The following ZZEF1 variants were observed in gnomAD, a reference collection of about 807,000 sequenced individuals.
The protein encoded by ZZEF1 is zinc finger ZZ-type and EF-hand domain containing 1, also known as zinc finger ZZ-type and EF-hand domain-containing protein 1.
In ZZEF1, 157 loss-of-function variants were observed where a neutral mutation model predicts 342.8. The observed-to-expected ratio is 0.46, with a 90% CI of 0.40 to 0.52. ZZEF1 has a LOEUF of 0.52. Ranked by LOEUF, ZZEF1 falls within the 20% of genes least tolerant of loss-of-function variation. The probability of loss-of-function intolerance (pLI) is 0.00; values close to 1 mark genes in which losing one functional copy is unlikely to be tolerated. For synonymous variants in ZZEF1, 1,505 were observed against 1,429.1 expected, an observed-to-expected ratio of 1.05 and a Z score of -1.20; for missense variants, 3,480 against 3,725.6, an observed-to-expected ratio of 0.93 and a Z score of 1.72.
At position 4,008,507 on chromosome 17, in the gene ZZEF1, A is replaced by T; in HGVS notation, c.8805+376T>A. 1 of 1,019,568 alleles carries T rather than the reference A, an allele frequency of 9.8e-7. No homozygotes were observed. Among genetic ancestry groups the T allele is most frequent in the Non-Finnish European group, 1.2e-6 (1 of 851,786 alleles). The allele number at this position is 1,019,568 out of a possible 1,614,324, so 63.2% of individuals were successfully genotyped here. On this transcript the variant is annotated intron_variant, in intron 54 of 54. Transcript: ENST00000381638. This position sits in a 1 kb window ranked among gnomAD's most constrained non-coding sequence, Gnocchi z 4.2. ...GCTCCTCAGTCAGTGAAAAGTGTGA[A>T]GCGTCCTGAGACCAAACAGCTGTCA...
In ZZEF1 at chr17:4,105,799, G is replaced by T. The variant is rs761343514; in HGVS notation, c.1288C>A (p.Arg430=). Residue 430 remains arginine (R), a synonymous_variant, in exon 7 of 55, where the codon CGG becomes AGG. Coordinates refer to ENST00000381638, the MANE Select transcript of ZZEF1 (RefSeq NM_015113.4). ...TVLHNTQKAL[R]HMPPLSLSPG... is the part of the protein sequence containing the mutation. Reference sequence around the variant, plus strand: ...GAGAGAGAGAGTGGAGGCATGTGCCGCAGCGCCTTCCTAGAAGAGGAAAAT... The same window carrying T: ...GAGAGAGAGAGTGGAGGCATGTGCCTCAGCGCCTTCCTAGAAGAGGAAAAT... 1.9e-6 allele frequency: 3 copies of T among 1,603,734 alleles called. No individual in the cohort carries two copies. In the East Asian group the frequency reaches 6.7e-5, roughly 36 times the overall value.
intron 5 of ZZEF1, among the ~76,000 whole-genome samples, 163 bp downstream of exon 5, chr17:4,112,446 G>A (rs1415099025): frequency 1.3e-5 from 2 of 151,998 alleles, no homozygotes; most frequent in South Asian, 2.1e-4. Flanking sequence ...ATGCCCCGAC[G>A]CTTTTCTATA....
At chr17:4,046,860 AG>A (rs1325760355) in intron 37 of ZZEF1, among the ~76,000 whole-genome samples, 1 of 152,234 alleles carries the variant, frequency 6.6e-6, no homozygotes, top group Non-Finnish European at 1.5e-5. Flanking sequence ...GAAAACAAAA[AG>A]TATCTCTAGT....
intron 1 of ZZEF1, among the ~76,000 whole-genome samples, chr17:4,134,012 C>T (rs1159305266): frequency 2.0e-5 from 3 of 152,152 alleles, no homozygotes; most frequent in East Asian, 3.9e-4. Context: ...GCCATTTTTG[C>T]TATTTTTAAT....
Position 4,088,773 on chromosome 17 carries a change from A to C in ZZEF1, c.2146T>G (p.Cys716Gly). ...ARAEAEQSVT[C>G]AHCRKDTEES... ...TCTGTGTCCTTTCTGCAGTGTGCACAGGTGACGCTCTGTTCTGCTTCTGCT... is the reference window on the plus strand; with the variant it reads ...TCTGTGTCCTTTCTGCAGTGTGCACCGGTGACGCTCTGTTCTGCTTCTGCT... The change falls in exon 13 of 55, where the codon TGT becomes GGT. Residue 716 changes from cysteine (C) to glycine (G), a missense_variant. By Grantham distance (159) the Cys-to-Gly change is radical (BLOSUM62 -3). This residue lies in a region of ZZEF1 where 1,528 missense variants were observed against 1,624.1 expected (regional missense o/e 0.94). Transcript: ENST00000381638. 6.2e-7 allele frequency: 1 copy of C among 1,614,238 alleles called. No individual in the cohort carries two copies. Among genetic ancestry groups the C allele is most frequent in the African/African-American group, 1.3e-5 (1 of 75,070 alleles).
chr17:4,018,873 G>C (rs753750900), intron 46 of ZZEF1, among the ~76,000 whole-genome samples: 1 of 151,890 alleles, frequency 6.6e-6, no homozygotes, highest in African/African-American at 2.4e-5. Flanking sequence ...GGCTAGAACC[G>C]AGAGGTGGGG....
chr17:4,044,103 G>A, intron 38 of ZZEF1, 121 bp downstream of exon 38: 4 of 1,088,696 alleles, frequency 3.7e-6, no homozygotes, highest in Non-Finnish European at 5.4e-6. Flanking sequence ...GAACAGAACT[G>A]AGAAACCACG....
At chr17:4,073,069 A>G (rs1468570107) in intron 24 of ZZEF1, among the ~76,000 whole-genome samples, 1 of 152,262 alleles carries the variant, frequency 6.6e-6, no homozygotes, top group Non-Finnish European at 1.5e-5. Context: ...GAGGCCATTC[A>G]GGAACATTTA....
At chr17:4,071,077 A>G (rs1051556247) in intron 25 of ZZEF1, among the ~76,000 whole-genome samples, 153 bp from the exon 26 acceptor site, 5 of 150,492 alleles carry the variant, frequency 3.3e-5, no homozygotes, top group African/African-American at 1.3e-4. Flanking sequence ...CAGAGATATG[A>G]GTTAAAAAAA....
chr17:4,009,098 C>T, intron 53 of ZZEF1, 144 bp from the exon 54 acceptor site: 2 of 1,027,762 alleles, frequency 1.9e-6, no homozygotes, highest in African/African-American at 3.2e-5. Context: ...CGTGGCACTG[C>T]CTTGCTCAGA....
At chr17:4,104,919 C>T in intron 7 of ZZEF1, 108 bp from the exon 8 acceptor site, 1 of 912,792 alleles carries the variant, frequency 1.1e-6, no homozygotes. Flanking sequence ...CTGCCATATG[C>T]TTTCTACAGG....
chr17:4,007,404 G>C (rs1249789358), intron 54 of ZZEF1, among the ~76,000 whole-genome samples: 1 of 152,238 alleles, frequency 6.6e-6, no homozygotes, highest in East Asian at 1.9e-4. Context: ...TTCAGGGTCT[G>C]GGCAGCAAGA....
chr17:4,070,979 T>C, intron 25 of ZZEF1, 55 bp from the exon 26 acceptor site: 3 of 1,578,870 alleles, frequency 1.9e-6, no homozygotes, highest in Admixed American at 3.7e-5. Context: ...AAAAATAAAA[T>C]TTATTGAGCA....
At position 4,076,655 on chromosome 17, in the gene ZZEF1, G is replaced by C. The variant is rs7207986; in HGVS notation, c.3216C>G (p.Pro1072=). Residue 1072 remains proline, a synonymous_variant, in exon 21 of 55, where the codon CCC becomes CCG. Transcript: ENST00000381638. ...GAGTTACCTTCCTCAGTCCTCCTTC[G>C]GGGCCACTACAGAGCTTCTTCAGGA... ...TELLKKLCSG[P]EGGLRKLDVE... The C allele has an allele frequency of 6.2e-7, 1 of 1,610,600 alleles. No individual in the cohort carries two copies. The highest frequency in any genetic ancestry group is 8.5e-7 in the Non-Finnish European group (1 of 1,177,818).
chr17:4,058,319 TC>T (rs2057211512), intron 31 of ZZEF1, among the ~76,000 whole-genome samples, 164 bp from the exon 32 acceptor site: 1 of 152,150 alleles, frequency 6.6e-6, no homozygotes, highest in Non-Finnish European at 1.5e-5. Flanking sequence ...CAAACATCCT[TC>T]AAAGCTTACA....
At chr17:4,018,402 A>G (rs1353758904) in intron 46 of ZZEF1, among the ~76,000 whole-genome samples, 1 of 151,008 alleles carries the variant, frequency 6.6e-6, no homozygotes, top group Non-Finnish European at 1.5e-5. Context: ...GGCTCATACC[A>G]CCATGCCTGG....
chr17:4,070,669 C>T lies in ZZEF1; in HGVS notation c.4075+15G>A, dbSNP rs1324893101. The T allele has an allele frequency of 6.2e-7, 1 of 1,608,040 alleles. No individual in the cohort carries two copies. Among genetic ancestry groups the T allele is most frequent in the Non-Finnish European group, 8.5e-7 (1 of 1,176,610 alleles). ...TTAGCCTTCAGATCAAAAATATTCC[C>T]TGTAATAAAGTTACCATATTTTTGC... On this transcript the variant is annotated intron_variant, in intron 26 of 54. Transcript: ENST00000381638.
At chr17:4,123,473 G>A (rs1012077740) in intron 2 of ZZEF1, among the ~76,000 whole-genome samples, 48 of 151,810 alleles carry the variant, frequency 3.2e-4, no homozygotes, top group Non-Finnish European at 4.7e-4. Flanking sequence ...TGACGCAAAT[G>A]TGAGGACAGA....
chr17:4,031,094 C>T (rs910981203), intron 42 of ZZEF1, among the ~76,000 whole-genome samples: 1 of 152,134 alleles, frequency 6.6e-6, no homozygotes, highest in African/African-American at 2.4e-5. Flanking sequence ...GCAGGCAGAT[C>T]ACCTGAGGTC....
Sources: allele counts gnomAD v4.1 joint callset (sites outside exome capture counted in the v4.1 genomes callset), GRCh38; gene constraint gnomAD v4.1.1; regional missense constraint gnomAD v4.1.1; non-coding constraint Gnocchi (gnomAD v3.1); transcripts MANE v1.5; gene names NCBI Gene and HGNC (gene_info 2026-07-23, HGNC 2026-07-21).